Variants in MARCHF10 observed in about 807,000 individuals in gnomAD.
MARCHF10 encodes membrane associated ring-CH-type finger 10.
A neutral mutation model predicts 76.2 loss-of-function variants in MARCHF10; 64 were observed. The observed-to-expected ratio is 0.84, with a 90% confidence interval of 0.69 to 1.03. The LOEUF (loss-of-function observed/expected upper bound fraction) is 1.03. Ranked by LOEUF, MARCHF10 falls within the 50% of genes least tolerant of loss-of-function variation. MARCHF10 has a pLI of 0.00. For missense variants in MARCHF10, 875 were observed against 958.0 expected (o/e 0.91, Z 1.14); for synonymous variants, 340 against 357.5 (o/e 0.95, Z 0.55).
chr17:62,705,779 G>C (rs2089548733), intron 9 of MARCHF10, among the ~76,000 whole-genome samples, 198 bp from the exon 10 acceptor site: 1 of 152,184 alleles, frequency 6.6e-6, no homozygotes, highest in African/African-American at 2.4e-5. Context: ...GAGAGCTGCA[G>C]CCATAACCTG....
intron 3 of MARCHF10, among the ~76,000 whole-genome samples, chr17:62,767,873 C>A (rs1014407012): frequency 6.6e-6 from 1 of 152,144 alleles, no homozygotes; most frequent in Admixed American, 6.6e-5. Context: ...TGAACTGAAT[C>A]GTTCAGCCCC....
chr17:62,705,524 G>A lies in MARCHF10; in HGVS notation c.2371+15C>T. The A allele has an allele frequency of 1.2e-6, 2 of 1,614,066 alleles. No homozygotes were observed. The highest frequency in any genetic ancestry group is 1.7e-6 in the Non-Finnish European group (2 of 1,180,012). ...AAACACCCTCAAAATGGCAGGACTG[G>A]CCCCCAAAACCTACTTTCATTTTCC... On this transcript the variant is annotated intron_variant, in intron 10 of 10. Coordinates refer to ENST00000311269, the MANE Select transcript of MARCHF10 (RefSeq NM_152598.4).
At chr17:62,772,358 A>C (rs1025509563) in intron 3 of MARCHF10, among the ~76,000 whole-genome samples, 2 of 152,206 alleles carry the variant, frequency 1.3e-5, no homozygotes, top group East Asian at 3.9e-4. Flanking sequence ...AGGCCTCCCC[A>C]ACCATGTGGA....
chr17:62,714,598 TGA>T (rs1484660582), intron 8 of MARCHF10, among the ~76,000 whole-genome samples: 1 of 152,050 alleles, frequency 6.6e-6, no homozygotes, highest in Non-Finnish European at 1.5e-5. Flanking sequence ...GATGAAGCAA[TGA>T]GAAAAAAATG....
In MARCHF10 at chr17:62,736,966, A is replaced by T. The variant is rs759782794; in HGVS notation, c.902T>A (p.Leu301Gln). The T allele has an allele frequency of 6.2e-7, 1 of 1,614,168 alleles. No individual in the cohort carries two copies. The highest frequency in any genetic ancestry group is 1.1e-5 in the South Asian group (1 of 91,082). ...ACAGGGTGAGCGCACACCAACCCAC[A>T]GACATTCTTCAGACTGGGTTTCCTC... Reference protein sequence around the residue: ...TEEETQSEECLWVGVRSPCSP... With the variant: ...TEEETQSEECQWVGVRSPCSP... Residue 301 changes from leucine (L) to glutamine (Q), a missense_variant, in exon 6 of 11, where the codon CTG becomes CAG. Leu to Gln is a moderately radical substitution (Grantham distance 113). Transcript: ENST00000311269.
chr17:62,795,189 G>T, intron 2 of MARCHF10: 1 of 232,178 alleles, frequency 4.3e-6, no homozygotes, highest in Non-Finnish European at 7.1e-6. Context: ...TAGTTGATTT[G>T]CACTTTAAAG....
In MARCHF10 at chr17:62,711,138, C is replaced by G; in HGVS notation, c.2328+93G>C. 1.0e-6 allele frequency: 1 copy of G among 985,650 alleles called. No individual in the cohort carries two copies. Among genetic ancestry groups the G allele is most frequent in the Non-Finnish European group, 1.6e-6 (1 of 621,764 alleles). The allele number at this position is 985,650 out of a possible 1,614,324, so 61.1% of individuals were successfully genotyped here. A position where few individuals can be genotyped will look rare whatever the true frequency, so the allele number is the denominator to read the frequency against. On this transcript the variant is annotated intron_variant, in intron 9 of 10. Coordinates refer to ENST00000311269, the MANE Select transcript of MARCHF10 (RefSeq NM_152598.4). This position sits in a 1 kb window ranked among gnomAD's most constrained non-coding sequence, Gnocchi z 4.4. The stretch of plus-strand genomic sequence containing the variant: ...ATAGTCCCATATCCTCCCAAGCGAC[C>G]GTGAGGACCTCAACAGCTTGCACAT...
intron 4 of MARCHF10, among the ~76,000 whole-genome samples, chr17:62,755,120 T>C (rs2092002851): frequency 1.3e-5 from 2 of 152,176 alleles, no homozygotes; most frequent in Admixed American, 1.3e-4. Context: ...ATGACTAACA[T>C]TGCACCCAAT....
chr17:62,736,850 T>A lies in MARCHF10; in HGVS notation c.1018A>T (p.Arg340Ter). 6.2e-7 allele frequency: 1 copy of A among 1,614,044 alleles called. No individual in the cohort carries two copies. The highest frequency in any genetic ancestry group is 1.7e-5 in the Admixed American group (1 of 60,024). ...TCACTTCTTCTTGAAGAATGACCTCTGCAATTTTCAGCATTTTCTTCAAAA... is the reference window on the plus strand; with the variant it reads ...TCACTTCTTCTTGAAGAATGACCTCAGCAATTTTCAGCATTTTCTTCAAAA... ...KNFEENAENC[R>*]GHSSRRSEPS... is the part of the protein sequence containing the mutation. Residue 340 changes from arginine (R) to a stop codon, truncating the protein, a stop_gained, in exon 6 of 11, where the codon AGA (arginine) becomes TGA (stop). Coordinates refer to ENST00000311269, the MANE Select transcript of MARCHF10 (RefSeq NM_152598.4). LOFTEE classifies it high-confidence loss of function.
At chr17:62,797,790 A>G (rs1598074373) in intron 2 of MARCHF10, among the ~76,000 whole-genome samples, 1 of 152,332 alleles carries the variant, frequency 6.6e-6, no homozygotes, top group East Asian at 1.9e-4. Context: ...AGATGGCAGG[A>G]CTGGATGCTA....
chr17:62,775,091 G>T (rs138364713), intron 3 of MARCHF10, among the ~76,000 whole-genome samples: 2 of 149,646 alleles, frequency 1.3e-5, no homozygotes, highest in African/African-American at 4.9e-5. Flanking sequence ...CAAAAAAACT[G>T]CATCCTCTAT....
At chr17:62,800,496 A>G (rs763577984) in intron 2 of MARCHF10, among the ~76,000 whole-genome samples, 1 of 152,026 alleles carries the variant, frequency 6.6e-6, no homozygotes, top group South Asian at 2.1e-4. Context: ...GAAATTGCTG[A>G]CTCTGTTTCC....
At chr17:62,730,811 T>C (rs2090993318) in intron 6 of MARCHF10, among the ~76,000 whole-genome samples, 1 of 152,098 alleles carries the variant, frequency 6.6e-6, no homozygotes, top group Non-Finnish European at 1.5e-5. Context: ...GGAGAATCAC[T>C]TGAACCCGGG....
Position 62,801,761 on chromosome 17 carries a change from A to C in MARCHF10, c.-17-9T>G. The C allele has an allele frequency of 6.3e-7, 1 of 1,591,426 alleles. No individual in the cohort carries two copies. The highest frequency in any genetic ancestry group is 8.6e-7 in the Non-Finnish European group (1 of 1,159,408). On this transcript the variant is annotated splice_polypyrimidine_tract_variant and intron_variant, in intron 1 of 10. Transcript: ENST00000311269. ...GATTCCTAATCCCTGACCTGCACAG[A>C]AAAGATAAACAAATGTGCTGTGTTA...
chr17:62,744,271 T>C, intron 5 of MARCHF10, 105 bp downstream of exon 5: 1 of 1,242,682 alleles, frequency 8.0e-7, no homozygotes, highest in Non-Finnish European at 1.1e-6. Flanking sequence ...GCACCTCATT[T>C]ACTTAAAAGT....
At position 62,701,695 on chromosome 17, in the gene MARCHF10, C is replaced by A; in HGVS notation, c.*8G>T. The A allele has an allele frequency of 6.2e-7, 1 of 1,614,114 alleles. No individual in the cohort carries two copies. Among genetic ancestry groups the A allele is most frequent in the Non-Finnish European group, 8.5e-7 (1 of 1,180,040 alleles). On this transcript the variant is annotated 3_prime_UTR_variant, in exon 11 of 11. Transcript: ENST00000311269. ...GGTCTCCGCCGAGCTCCACAGTTGG[C>A]TTCCTTGCTAGACGACCTGGCTTTG...
chr17:62,734,133 G>A (rs1036196772), intron 6 of MARCHF10, among the ~76,000 whole-genome samples: 1 of 151,912 alleles, frequency 6.6e-6, no homozygotes, highest in African/African-American at 2.4e-5. Context: ...GCAGTGAGTC[G>A]CGATCATGCC....
chr17:62,794,901 T>G (rs1488409606), intron 2 of MARCHF10: 1 of 481,424 alleles, frequency 2.1e-6, no homozygotes, highest in East Asian at 1.5e-4. Flanking sequence ...GTGACATTAT[T>G]AAAGTTCATT....
chr17:62,726,426 G>A (rs974214303), intron 6 of MARCHF10, among the ~76,000 whole-genome samples: 2 of 152,206 alleles, frequency 1.3e-5, no homozygotes, highest in Non-Finnish European at 2.9e-5. Flanking sequence ...CAGAATTACA[G>A]TTTTCCATTA....
Sources: allele counts gnomAD v4.1 joint callset (sites outside exome capture counted in the v4.1 genomes callset), GRCh38; gene constraint gnomAD v4.1.1; non-coding constraint Gnocchi (gnomAD v3.1); transcripts MANE v1.5; gene names NCBI Gene and HGNC (gene_info 2026-07-23, HGNC 2026-07-21).